STX7: variants seen among roughly 807,000 people sequenced by gnomAD.
STX7 encodes syntaxin 7, also known as syntaxin-7.
A neutral mutation model predicts 39.6 loss-of-function variants in STX7; 34 were observed. The ratio of observed to expected loss-of-function variants is 0.86; its 90% CI spans 0.65 to 1.14. STX7 has a LOEUF of 1.14. STX7 is among the 50% of genes most tolerant of loss of function. STX7 has a pLI of 0.00. For missense variants in STX7, 284 were observed against 310.4 expected (o/e 0.92, Z 0.64); for synonymous variants, 119 against 99.1 (o/e 1.20, Z -1.19).
rs1774101271 is a variant in STX7, at chr6:132,449,839, A to G, written c.*10919T>C. The G allele has an allele frequency of 6.6e-6, 1 of 152,190 alleles. No homozygotes were observed. The highest frequency in any genetic ancestry group is 6.5e-5 in the Admixed American group (1 of 15,280). The allele number at this position is 152,190 out of a possible 1,614,324, so 9.4% of individuals were successfully genotyped here. ...TAATTGCAATACCTGAATTCCTTGA[A>G]TATCTAAATCTACTGTTTCTCAATG... On this transcript the variant is annotated 3_prime_UTR_variant, in exon 10 of 10. Transcript: ENST00000367941.
chr6:132,470,291 G>C (rs1026990188), intron 6 of STX7, among the ~76,000 whole-genome samples: 2 of 152,088 alleles, frequency 1.3e-5, no homozygotes, highest in African/African-American at 2.4e-5. Flanking sequence ...AGCTGTATCT[G>C]TCAACTGGGT....
intron 8 of STX7, among the ~76,000 whole-genome samples, chr6:132,467,556 A>G (rs1428487521): frequency 6.6e-6 from 1 of 152,196 alleles, no homozygotes; most frequent in Admixed American, 6.5e-5. Context: ...ATTTAATTTC[A>G]GCTGAATCTC....
intron 1 of STX7, among the ~76,000 whole-genome samples, chr6:132,512,143 T>C (rs78007456): frequency 0.024 from 3,694 of 152,292 alleles, 78 homozygotes; most frequent in African/African-American, 0.045. Context: ...TCCAACATTA[T>C]TAAATAGCAC....
chr6:132,490,911 C>G (rs1232996690), intron 2 of STX7, among the ~76,000 whole-genome samples: 1 of 151,896 alleles, frequency 6.6e-6, no homozygotes, highest in East Asian at 1.9e-4. Flanking sequence ...GGGAAGCCCT[C>G]CTACACCAGG....
chr6:132,473,020 G>A (rs1774773165), intron 3 of STX7, among the ~76,000 whole-genome samples: 1 of 152,142 alleles, frequency 6.6e-6, no homozygotes, highest in South Asian at 2.1e-4. Flanking sequence ...TTAGGTAGGT[G>A]TGGTGGAGCA....
intron 2 of STX7, among the ~76,000 whole-genome samples, chr6:132,496,594 A>G (rs1775424910): frequency 6.6e-6 from 1 of 152,170 alleles, no homozygotes; most frequent in Admixed American, 6.5e-5. Context: ...TCTTAACAAA[A>G]CATAGAATAA....
At chr6:132,490,900 C>T (rs1368301797) in intron 2 of STX7, among the ~76,000 whole-genome samples, 6 of 151,826 alleles carry the variant, frequency 4.0e-5, no homozygotes, top group Non-Finnish European at 7.4e-5. Context: ...AGGGATGGAG[C>T]GGGAAGCCCT....
At chr6:132,499,625 C>T (rs1775502369) in intron 2 of STX7, among the ~76,000 whole-genome samples, 2 of 152,186 alleles carry the variant, frequency 1.3e-5, no homozygotes, top group South Asian at 4.1e-4. Context: ...TCTACCACAT[C>T]TTGATTTTTA....
In STX7 at chr6:132,450,820, G is replaced by A. The variant is rs1469354206; in HGVS notation, c.*9938C>T. 1 of 151,880 alleles carries A rather than the reference G, an allele frequency of 6.6e-6. No homozygotes were observed. Among genetic ancestry groups the A allele is most frequent in the Admixed American group, 6.6e-5 (1 of 15,230 alleles). 9.4% of individuals were successfully genotyped at this position (151,880 alleles called of 1,614,324 possible). On this transcript the variant is annotated 3_prime_UTR_variant, in exon 10 of 10. Transcript: ENST00000367941. ...TAAATCTAACATTTGTGTCATCAGA[G>A]TCTCAAAAGAAAGAAGAAAGAAGGA...
In STX7 at chr6:132,512,543, A is replaced by C. The variant is rs546756733; in HGVS notation, c.-59+464T>G. ...TAAACATACACGGTTCGCCTGCTACAGCCATACATTTTTCAGTTCCTCTAT... is the reference window on the plus strand; with the variant it reads ...TAAACATACACGGTTCGCCTGCTACCGCCATACATTTTTCAGTTCCTCTAT... On this transcript the variant is annotated intron_variant, in intron 1 of 9. Coordinates refer to ENST00000367941, the MANE Select transcript of STX7 (RefSeq NM_003569.3). Among the ~76,000 whole-genome samples, 11 of 152,348 alleles carry C rather than the reference A, an allele frequency of 7.2e-5. No homozygotes were observed. In the South Asian group the frequency reaches 1.2e-3, roughly 17 times the overall value.
Position 132,503,439 on chromosome 6 carries a change from A to T in STX7, c.85+7T>A. ...AAATAGTGAAGTCCATTTAAAACTC[A>T]ACTCACAACACTGTGTGATCTTCTG... On this transcript the variant is annotated splice_region_variant and intron_variant, in intron 2 of 9. Coordinates refer to ENST00000367941, the MANE Select transcript of STX7 (RefSeq NM_003569.3). The T allele has an allele frequency of 1.2e-6, 2 of 1,613,020 alleles. No individual in the cohort carries two copies. Among genetic ancestry groups the T allele is most frequent in the South Asian group, 2.2e-5 (2 of 91,016 alleles).
intron 2 of STX7, among the ~76,000 whole-genome samples, chr6:132,501,970 C>T (rs1402247110): frequency 2.6e-5 from 4 of 152,062 alleles, no homozygotes; most frequent in Non-Finnish European, 4.4e-5. Context: ...ACGCCGGTGG[C>T]CTGTGACAAA....
intron 5 of STX7, 47 bp downstream of exon 5, chr6:132,471,416 T>C: frequency 6.3e-7 from 1 of 1,578,656 alleles, no homozygotes; most frequent in South Asian, 1.2e-5. Context: ...ATGGGACCCT[T>C]AGCAAGTAAC....
rs1300132781 is a variant in STX7, at chr6:132,453,246, T to A, written c.*7512A>T. The A allele has an allele frequency of 6.6e-6, 1 of 151,952 alleles. No homozygotes were observed. The highest frequency in any genetic ancestry group is 2.4e-5 in the African/African-American group (1 of 41,386). 9.4% of individuals were successfully genotyped at this position (151,952 alleles called of 1,614,324 possible). ...CCTAAGTCTCACATTTTATACAAAA[T>A]TAACTGAAAATGGAATATAGACTTA... is the stretch of plus-strand genomic sequence containing the variant. On this transcript the variant is annotated 3_prime_UTR_variant, in exon 10 of 10. Transcript: ENST00000367941.
In STX7 at chr6:132,458,705, T is replaced by C. The variant is rs970790899; in HGVS notation, c.*2053A>G. ...CTACCATACTATGTTTCTTATTTAA[T>C]TTTCTCTAATCAATACTACTCTTAC... On this transcript the variant is annotated 3_prime_UTR_variant, in exon 10 of 10. Coordinates refer to ENST00000367941, the MANE Select transcript of STX7 (RefSeq NM_003569.3). 2 of 152,206 alleles carry C rather than the reference T, an allele frequency of 1.3e-5. No individual in the cohort carries two copies. The highest frequency in any genetic ancestry group is 4.8e-5 in the African/African-American group (2 of 41,454). The allele number at this position is 152,206 out of a possible 1,614,324, so 9.4% of individuals were successfully genotyped here.
Position 132,460,858 on chromosome 6 carries a change from C to G in STX7, c.694-8G>C, listed in dbSNP as rs537974863. On this transcript the variant is annotated splice_region_variant and splice_polypyrimidine_tract_variant and intron_variant, in intron 9 of 9. Transcript: ENST00000367941. ...GGTTTTTCTGGATTTGCGCTGCAGA[C>G]GCAAAAAACAAAACAAAACAAAAAA... 3 of 1,608,588 alleles carry G rather than the reference C, an allele frequency of 1.9e-6. No homozygotes were observed. The African/African-American group carries it at 4.0e-5, about 22-fold the overall frequency.
chr6:132,472,226 T>TGC (rs1250252261), intron 4 of STX7, 56 bp downstream of exon 4: 2 of 1,334,718 alleles, frequency 1.5e-6, no homozygotes, highest in African/African-American at 1.5e-5. Flanking sequence ...GATCCTACAG[T>TGC]GCACTGGGTT....
In STX7 at chr6:132,447,972, TTATTTCA is replaced by T. The variant is rs1428586110; in HGVS notation, c.*12779_*12785del. Reference sequence around the variant, plus strand: ...TTGGGATTTCTAAAGTGTTTTTCCCTTATTTCAGAATGTTTCCTCTCTACTGGTTTGA... The same window carrying T: ...TTGGGATTTCTAAAGTGTTTTTCCCTGAATGTTTCCTCTCTACTGGTTTGA... On this transcript the variant is annotated 3_prime_UTR_variant, in exon 10 of 10. Transcript: ENST00000367941. 1 of 152,182 alleles carries T rather than the reference TTATTTCA, an allele frequency of 6.6e-6. No individual in the cohort carries two copies. Among genetic ancestry groups the T allele is most frequent in the Non-Finnish European group, 1.5e-5 (1 of 68,028 alleles). 9.4% of individuals were successfully genotyped at this position (152,182 alleles called of 1,614,324 possible).
At position 132,471,592 on chromosome 6, in the gene STX7, C is replaced by T; in HGVS notation, c.258G>A (p.Arg86=). Residue 86 remains arginine, a synonymous_variant, in exon 5 of 10, where the codon AGG becomes AGA. Transcript: ENST00000367941. ...LPTTPSEQRQ[R]KIQKDRLVAE... Reference sequence around the variant, plus strand: ...CCACTAAGCGATCCTTCTGTATTTTCCTTTGACGCTAGAGGAAAGAGAAGA... The same window carrying T: ...CCACTAAGCGATCCTTCTGTATTTTTCTTTGACGCTAGAGGAAAGAGAAGA... The T allele has an allele frequency of 6.2e-7, 1 of 1,611,744 alleles. No homozygotes were observed. Among genetic ancestry groups the T allele is most frequent in the South Asian group, 1.1e-5 (1 of 90,464 alleles).
Sources: allele counts gnomAD v4.1 joint callset (sites outside exome capture counted in the v4.1 genomes callset), GRCh38; gene constraint gnomAD v4.1.1; transcripts MANE v1.5; gene names NCBI Gene and HGNC (gene_info 2026-07-23, HGNC 2026-07-21).